CNTN4: variants seen among roughly 807,000 people sequenced by gnomAD.
CNTN4 encodes contactin-4.
In CNTN4, 77 loss-of-function variants were observed where a neutral mutation model predicts 122.5. The observed-to-expected ratio is 0.63, with a 90% CI of 0.52 to 0.76. The LOEUF (loss-of-function observed/expected upper bound fraction) is 0.76. Among genes scored for constraint, CNTN4 ranks in the 30% least tolerant of loss-of-function variants. The pLI is 0.00. For synonymous variants in CNTN4, 512 were observed against 447.0 expected, an observed-to-expected ratio of 1.15 and a Z score of -1.83; for missense variants, 1,256 against 1,259.1, an observed-to-expected ratio of 1.00 and a Z score of 0.04.
intron 7 of CNTN4, among the ~76,000 whole-genome samples, chr3:2,850,146 C>T (rs1478476371): frequency 6.6e-6 from 1 of 152,048 alleles, no homozygotes; most frequent in East Asian, 1.9e-4. Flanking sequence ...CGCCCCACCA[C>T]ACCCAGCTAA....
chr3:2,260,294 C>T (rs1184950488), intron 2 of CNTN4, among the ~76,000 whole-genome samples: 2 of 152,110 alleles, frequency 1.3e-5, no homozygotes, highest in African/African-American at 4.8e-5. Context: ...GGCCTCTACC[C>T]TGTAGCACCA....
At chr3:2,351,376 G>A (rs2044611981) in intron 3 of CNTN4, among the ~76,000 whole-genome samples, 1 of 152,176 alleles carries the variant, frequency 6.6e-6, no homozygotes, top group Non-Finnish European at 1.5e-5. Flanking sequence ...AAGTCTTGAT[G>A]TTCAGCATGC....
chr3:2,824,158 T>TAA (rs56973508), intron 7 of CNTN4, among the ~76,000 whole-genome samples: 2,651 of 142,852 alleles, frequency 0.019, 28 homozygotes, highest in Non-Finnish European at 0.023. Context: ...CCAAGGCTGT[T>TAA]AAAAAAAAAA....
chr3:2,534,430 G>T (rs1216556028), intron 3 of CNTN4, among the ~76,000 whole-genome samples: 1 of 152,138 alleles, frequency 6.6e-6, no homozygotes, highest in Non-Finnish European at 1.5e-5. Flanking sequence ...TGAGGGCTCT[G>T]TTCTATTCCA....
chr3:2,327,231 T>C (rs907793813), intron 2 of CNTN4, among the ~76,000 whole-genome samples: 4 of 152,124 alleles, frequency 2.6e-5, no homozygotes, highest in South Asian at 2.1e-4. Context: ...TAGGAAATGT[T>C]TGCATTCTTC....
At chr3:2,622,297 C>G (rs2082020276) in intron 4 of CNTN4, among the ~76,000 whole-genome samples, 1 of 152,176 alleles carries the variant, frequency 6.6e-6, no homozygotes, top group Non-Finnish European at 1.5e-5. Context: ...AGACTTCAGT[C>G]TGCCAGAGTA....
At chr3:2,460,900 C>G (rs1003613989) in intron 3 of CNTN4, among the ~76,000 whole-genome samples, 1 of 151,776 alleles carries the variant, frequency 6.6e-6, no homozygotes, top group Admixed American at 6.6e-5. Flanking sequence ...AGTGAGAGTT[C>G]TCATGTAGCT....
Position 2,258,524 on chromosome 3 carries a change from C to G in CNTN4, c.-144-80654C>G, listed in dbSNP as rs541913863. Among the ~76,000 whole-genome samples, 3 of 152,196 alleles carry G rather than the reference C, an allele frequency of 2.0e-5. No homozygotes were observed. The South Asian group carries it at 6.2e-4, about 32-fold the overall frequency. On this transcript the variant is annotated intron_variant, in intron 2 of 24. Coordinates refer to ENST00000418658, the MANE Select transcript of CNTN4 (RefSeq NM_175607.3). ...TGAAATATATTAACATTAGCTATTGCTTAAGAAAACAACTGGATAATGTTT... is the reference window on the plus strand; with the variant it reads ...TGAAATATATTAACATTAGCTATTGGTTAAGAAAACAACTGGATAATGTTT...
intron 3 of CNTN4, among the ~76,000 whole-genome samples, chr3:2,448,451 C>G (rs917921341): frequency 2.0e-5 from 3 of 152,158 alleles, no homozygotes; most frequent in Non-Finnish European, 4.4e-5. Context: ...AGTGATTGGG[C>G]TTCTCAAATG....
intron 2 of CNTN4, among the ~76,000 whole-genome samples, chr3:2,303,199 A>C (rs2042585423): frequency 6.6e-6 from 1 of 152,200 alleles, no homozygotes; most frequent in Non-Finnish European, 1.5e-5. Flanking sequence ...GTTTTAAAAT[A>C]ATACAGCTTT....
chr3:2,339,863 C>A (rs2044116661), intron 3 of CNTN4, among the ~76,000 whole-genome samples: 2 of 152,314 alleles, frequency 1.3e-5, no homozygotes, highest in South Asian at 4.1e-4. Flanking sequence ...ATGAAACTCT[C>A]AGCAGGAACA....
At chr3:2,988,794 T>A in intron 14 of CNTN4, 1 of 317,134 alleles carries the variant, frequency 3.2e-6, no homozygotes, top group Non-Finnish European at 6.0e-6. Context: ...TTGAAATTCA[T>A]GTCTAGGAAC....
intron 3 of CNTN4, chr3:2,362,730 TG>T: frequency 3.0e-6 from 1 of 334,938 alleles, no homozygotes; most frequent in South Asian, 2.5e-5. Context: ...ACAGCTCCAG[TG>T]GCCTCCAGCT....
chr3:2,251,688 A>G (rs989568115), intron 2 of CNTN4, among the ~76,000 whole-genome samples: 2 of 151,880 alleles, frequency 1.3e-5, no homozygotes, highest in African/African-American at 4.8e-5. Flanking sequence ...ATGTTACCAA[A>G]AACAAGATGT....
At chr3:2,207,815 C>T (rs952310978) in intron 2 of CNTN4, among the ~76,000 whole-genome samples, 2 of 152,086 alleles carry the variant, frequency 1.3e-5, no homozygotes, top group African/African-American at 4.8e-5. Flanking sequence ...TTCATAGTTA[C>T]AGAGGAGAAG....
At chr3:2,359,145 C>T (rs1391953989) in intron 3 of CNTN4, among the ~76,000 whole-genome samples, 2 of 152,188 alleles carry the variant, frequency 1.3e-5, no homozygotes, top group Non-Finnish European at 1.5e-5. Flanking sequence ...ACAGCCCTCT[C>T]ATATGATAAA....
At chr3:2,147,475 A>G (rs533441466) in intron 2 of CNTN4, among the ~76,000 whole-genome samples, 31 of 152,226 alleles carry the variant, frequency 2.0e-4, no homozygotes, top group African/African-American at 7.5e-4. Flanking sequence ...ATGTATCATC[A>G]ATGGAAATGA....
At chr3:2,737,993 CA>C (rs2089238141) in intron 5 of CNTN4, among the ~76,000 whole-genome samples, 1 of 151,938 alleles carries the variant, frequency 6.6e-6, no homozygotes, top group Non-Finnish European at 1.5e-5. Flanking sequence ...CAGAAAGAGA[CA>C]AAGGGAAGCA....
intron 4 of CNTN4, among the ~76,000 whole-genome samples, chr3:2,670,822 G>A (rs1200810551): frequency 3.3e-5 from 5 of 152,280 alleles, no homozygotes; most frequent in Admixed American, 3.3e-4. Flanking sequence ...TTGCTTGTCT[G>A]TAAAGGATTT....
Sources: allele counts gnomAD v4.1 joint callset (sites outside exome capture counted in the v4.1 genomes callset), GRCh38; gene constraint gnomAD v4.1.1; transcripts MANE v1.5; gene names NCBI Gene and HGNC (gene_info 2026-07-23, HGNC 2026-07-21).